The following ZNF804A variants were observed in gnomAD, a reference collection of about 807,000 sequenced individuals.
ZNF804A encodes zinc finger protein 804A.
ZNF804A carries 2 observed loss-of-function variants against 16.5 expected under a neutral mutation model. The observed-to-expected ratio is 0.12, with a 90% CI of 0.05 to 0.38. ZNF804A has a LOEUF of 0.38. ZNF804A is among the 10% of genes least tolerant of loss of function. The probability of loss-of-function intolerance (pLI) is 0.99; values close to 1 mark genes in which losing one functional copy is unlikely to be tolerated. For synonymous variants in ZNF804A, 534 were observed against 489.6 expected, an observed-to-expected ratio of 1.09 and a Z score of -1.20; for missense variants, 1,473 against 1,390.7, an observed-to-expected ratio of 1.06 and a Z score of -0.94.
intron 1 of ZNF804A, among the ~76,000 whole-genome samples, chr2:184,616,843 G>T (rs1480455954): frequency 6.6e-6 from 1 of 152,082 alleles, no homozygotes; most frequent in Non-Finnish European, 1.5e-5. Flanking sequence ...CTGTGGGATG[G>T]TGCAGGAATC....
intron 1 of ZNF804A, among the ~76,000 whole-genome samples, chr2:184,648,333 A>G (rs1163874107): frequency 6.6e-6 from 1 of 152,176 alleles, no homozygotes; most frequent in Non-Finnish European, 1.5e-5. Flanking sequence ...CCCACAGGTC[A>G]TATAAAACAA....
intron 2 of ZNF804A, among the ~76,000 whole-genome samples, chr2:184,889,325 G>A (rs1684945977): frequency 6.6e-6 from 1 of 151,268 alleles, no homozygotes; most frequent in African/African-American, 2.4e-5. Context: ...TTTATAAAAT[G>A]TACGATAATC....
intron 1 of ZNF804A, among the ~76,000 whole-genome samples, chr2:184,802,228 T>C (rs1273606983): frequency 6.6e-6 from 1 of 152,190 alleles, no homozygotes; most frequent in African/African-American, 2.4e-5. Flanking sequence ...CCTGCTCATC[T>C]CACTTAGGAG....
intron 1 of ZNF804A, among the ~76,000 whole-genome samples, chr2:184,811,095 A>G (rs959963293): frequency 1.1e-4 from 17 of 152,190 alleles, no homozygotes; most frequent in African/African-American, 4.1e-4. Flanking sequence ...AATTTGCAGT[A>G]AAAATCTGCT....
chr2:184,852,416 C>G (rs1471785877), intron 1 of ZNF804A, among the ~76,000 whole-genome samples: 1 of 149,304 alleles, frequency 6.7e-6, no homozygotes, highest in African/African-American at 2.5e-5. Context: ...TAATTGTTTC[C>G]TTGACTGTGC....
chr2:184,647,310 A>G (rs1425512921), intron 1 of ZNF804A, among the ~76,000 whole-genome samples: 2 of 152,246 alleles, frequency 1.3e-5, no homozygotes, highest in Admixed American at 6.5e-5. Flanking sequence ...CAAAAGAACC[A>G]GTGCAAGAAT....
In ZNF804A at chr2:184,746,545, C is replaced by CA. The variant is rs533898723; in HGVS notation, c.112-119821dup. 4.6e-5 allele frequency among the ~76,000 whole-genome samples: 7 copies of CA among 151,460 alleles called. No homozygotes were observed. The South Asian group carries it at 1.2e-3, about 27-fold the overall frequency. On this transcript the variant is annotated intron_variant, in intron 1 of 3. Coordinates refer to ENST00000302277, the MANE Select transcript of ZNF804A (RefSeq NM_194250.2). ...AAACAATTATCATTTATTTGTGTTG[C>CA]AAACATTACAATTATACTCTTTTGG...
At chr2:184,856,055 G>A (rs1695681763) in intron 1 of ZNF804A, among the ~76,000 whole-genome samples, 1 of 151,894 alleles carries the variant, frequency 6.6e-6, no homozygotes, top group African/African-American at 2.4e-5. Context: ...AATAATAATA[G>A]TAACAATCAA....
chr2:184,694,533 A>G (rs957822641), intron 1 of ZNF804A, among the ~76,000 whole-genome samples: 4 of 152,200 alleles, frequency 2.6e-5, no homozygotes, highest in African/African-American at 9.6e-5. Flanking sequence ...TATATGGTAT[A>G]CAGTTTTGAA....
intron 1 of ZNF804A, among the ~76,000 whole-genome samples, chr2:184,683,622 T>A (rs1359944092): frequency 6.6e-6 from 1 of 152,116 alleles, no homozygotes; most frequent in African/African-American, 2.4e-5. Context: ...AAAGCAGAGT[T>A]GCTAAATGGA....
At chr2:184,782,506 GT>G (rs1228022232) in intron 1 of ZNF804A, among the ~76,000 whole-genome samples, 3 of 151,436 alleles carry the variant, frequency 2.0e-5, no homozygotes, top group African/African-American at 4.8e-5. Context: ...TGGACTACAT[GT>G]TTCTCTCATG....
chr2:184,796,884 C>T (rs554090405), intron 1 of ZNF804A, among the ~76,000 whole-genome samples: 1 of 152,096 alleles, frequency 6.6e-6, no homozygotes, highest in Admixed American at 6.6e-5. Context: ...TGTTTTTGAC[C>T]CAATGCTTAT....
chr2:184,626,871 A>C (rs536531783), intron 1 of ZNF804A, among the ~76,000 whole-genome samples: 1 of 152,330 alleles, frequency 6.6e-6, no homozygotes, highest in East Asian at 1.9e-4. Context: ...GTATGAGCAG[A>C]GAAGACATTC....
In ZNF804A at chr2:184,866,389, T is replaced by C. The variant is rs767984023; in HGVS notation, c.132T>C (p.Asn44=). 2 of 1,613,076 alleles carry C rather than the reference T, an allele frequency of 1.2e-6. No individual in the cohort carries two copies. Among genetic ancestry groups the C allele is most frequent in the African/African-American group, 1.3e-5 (1 of 74,844 alleles). ...TTCAGGACTATGCTGAGAAGGAAAA[T>C]ACCATAGCAAAAGCTCTGGAAGATC... is the stretch of plus-strand genomic sequence containing the variant. ...NKTLDYAEKE[N]TIAKALEDLK... The change falls in exon 2 of 4, where the codon AAT becomes AAC. Residue 44 remains asparagine (N), a synonymous_variant. Coordinates refer to ENST00000302277, the MANE Select transcript of ZNF804A (RefSeq NM_194250.2).
At chr2:184,782,573 G>T (rs1190590034) in intron 1 of ZNF804A, among the ~76,000 whole-genome samples, 3 of 151,452 alleles carry the variant, frequency 2.0e-5, no homozygotes, top group African/African-American at 7.3e-5. Context: ...TTTGGGACTT[G>T]AACTGGTTTC....
chr2:184,856,965 T>C (rs35321501), intron 1 of ZNF804A, among the ~76,000 whole-genome samples: 48,629 of 151,962 alleles, frequency 0.32, 10,578 homozygotes, highest in African/African-American at 0.62. Flanking sequence ...TTTCTAGTCT[T>C]TCTCTCATTT....
intron 1 of ZNF804A, among the ~76,000 whole-genome samples, chr2:184,787,072 C>T (rs1237987040): frequency 6.6e-6 from 1 of 151,788 alleles, no homozygotes; most frequent in Non-Finnish European, 1.5e-5. Flanking sequence ...AAATATTGAT[C>T]GTTGTACCCA....
intron 1 of ZNF804A, among the ~76,000 whole-genome samples, chr2:184,675,815 T>C (rs1423401444): frequency 6.6e-6 from 1 of 151,732 alleles, no homozygotes; most frequent in Non-Finnish European, 1.5e-5. Context: ...TGTCATTTCT[T>C]TTTTCATTGG....
At chr2:184,735,643 A>T (rs1397811779) in intron 1 of ZNF804A, among the ~76,000 whole-genome samples, 1 of 152,196 alleles carries the variant, frequency 6.6e-6, no homozygotes, top group Non-Finnish European at 1.5e-5. Flanking sequence ...AATTTCTGGT[A>T]CTCAATGTTG....
Sources: gnomAD v4.1 joint callset for allele counts (sites outside exome capture counted in the v4.1 genomes callset) on GRCh38, gnomAD v4.1.1 for gene constraint, MANE v1.5 for transcripts, NCBI Gene and HGNC (gene_info 2026-07-23, HGNC 2026-07-21) for gene names.